The following TKT variants were observed in gnomAD, a reference collection of about 807,000 sequenced individuals.
The protein encoded by TKT is transketolase.
Under a neutral mutation model 63.9 loss-of-function variants are expected in TKT, and 47 were observed. That is an observed-to-expected ratio of 0.74 (90% CI 0.58 to 0.94). TKT has a LOEUF of 0.94. Ranked by LOEUF, TKT falls within the 40% of genes least tolerant of loss-of-function variation. The probability of loss-of-function intolerance (pLI) is 0.00; values close to 1 mark genes in which losing one functional copy is unlikely to be tolerated. For missense variants in TKT, 721 were observed against 846.2 expected (o/e 0.85, Z 1.84); for synonymous variants, 338 against 334.1 (o/e 1.01, Z -0.13).
chr3:53,244,940 C>A (rs1705443395), intron 1 of TKT, among the ~76,000 whole-genome samples: 1 of 150,712 alleles, frequency 6.6e-6, no homozygotes, highest in Admixed American at 6.6e-5. Context: ...AGTCCACTTA[C>A]AACCCCAATT....
chr3:53,231,016 T>C (rs1195946600), intron 7 of TKT, among the ~76,000 whole-genome samples: 2 of 152,186 alleles, frequency 1.3e-5, no homozygotes, highest in African/African-American at 4.8e-5. Flanking sequence ...TGCCTAGCCT[T>C]TCCCAGGTCA....
chr3:53,229,151 G>C lies in TKT; in HGVS notation c.1265-14C>G, dbSNP rs781874677. ...GCCCGTCTTCCCCTGGGGTGTGGGGGAAAGGATATGCAGAAATAAGACCCC... is the reference window on the plus strand; with the variant it reads ...GCCCGTCTTCCCCTGGGGTGTGGGGCAAAGGATATGCAGAAATAAGACCCC... On this transcript the variant is annotated splice_polypyrimidine_tract_variant and intron_variant, in intron 9 of 13. Coordinates refer to ENST00000462138, the MANE Select transcript of TKT (RefSeq NM_001064.4). 26 of 1,613,992 alleles carry C rather than the reference G, an allele frequency of 1.6e-5. No homozygotes were observed. Among genetic ancestry groups the C allele is most frequent in the Non-Finnish European group, 2.0e-5 (24 of 1,180,002 alleles).
chr3:53,230,593 G>A lies in TKT; in HGVS notation c.971C>T (p.Ala324Val). The A allele has an allele frequency of 6.2e-7, 1 of 1,614,248 alleles. No homozygotes were observed. Among genetic ancestry groups the A allele is most frequent in the South Asian group, 1.1e-5 (1 of 91,086 alleles). Reference protein sequence around the residue: ...KIATRKAYGQALAKLGHASDR... With the variant: ...KIATRKAYGQVLAKLGHASDR... Reference sequence around the variant, plus strand: ...ACTGGCATGGCCCAGCTTGGCCAGTGCCTGCCCGTAGGCCTTGCGGGTGGC... The same window carrying A: ...ACTGGCATGGCCCAGCTTGGCCAGTACCTGCCCGTAGGCCTTGCGGGTGGC... Residue 324 changes from alanine to valine, a missense_variant, in exon 8 of 14, where the codon GCA becomes GTA. Physicochemically the swap from Ala to Val is moderately conservative, Grantham distance 64. Coordinates refer to ENST00000462138, the MANE Select transcript of TKT (RefSeq NM_001064.4).
chr3:53,241,593 G>A lies in TKT; in HGVS notation c.226-348C>T, dbSNP rs142429124. The stretch of plus-strand genomic sequence containing the variant: ...GACTTCTAAGCTCTAAAGCCTGCCC[G>A]AGAGACCAAACGCCACGGAGGCAGG... On this transcript the variant is annotated intron_variant, in intron 2 of 13. Coordinates refer to ENST00000462138, the MANE Select transcript of TKT (RefSeq NM_001064.4). Among the ~76,000 whole-genome samples, 1,386 of 152,334 alleles carry A rather than the reference G, an allele frequency of 9.1e-3. 15 individuals carry two copies. Among genetic ancestry groups the A allele is most frequent in the Non-Finnish European group, 0.012 (834 of 68,030 alleles).
Position 53,235,185 on chromosome 3 carries a change from A to T in TKT, c.438-11T>A. The stretch of plus-strand genomic sequence containing the variant: ...CAATAGACTCGGTAGCTGTGGACAG[A>T]GAGTGAATCAGGCCAGTCCCTCTCA... On this transcript the variant is annotated splice_polypyrimidine_tract_variant and intron_variant, in intron 4 of 13. Transcript: ENST00000462138. 1 of 1,601,836 alleles carries T rather than the reference A, an allele frequency of 6.2e-7. No homozygotes were observed. Among genetic ancestry groups the T allele is most frequent in the Non-Finnish European group, 8.5e-7 (1 of 1,172,904 alleles).
In TKT at chr3:53,241,153, G is replaced by A; in HGVS notation, c.318C>T (p.Asp106=). The change falls in exon 3 of 14, where the codon GAC becomes GAT. Residue 106 remains aspartate (D), a synonymous_variant. Coordinates refer to ENST00000462138, the MANE Select transcript of TKT (RefSeq NM_001064.4). ...TTACCGGGACCGGGTGCCCGTCCAA[G>A]TCGGAGCTGATCTTCCTCAGGTTCA... ...ELLNLRKISS[D]LDGHPVPKQA... is the part of the protein sequence containing the mutation. 1 of 1,577,446 alleles carries A rather than the reference G, an allele frequency of 6.3e-7. No individual in the cohort carries two copies.
At chr3:53,243,118 G>C (rs1705356879) in intron 1 of TKT, among the ~76,000 whole-genome samples, 1 of 152,096 alleles carries the variant, frequency 6.6e-6, no homozygotes, top group Non-Finnish European at 1.5e-5. Flanking sequence ...CCTGGGAGTG[G>C]TGGGGCCACG....
In TKT at chr3:53,228,041, GC is replaced by G; in HGVS notation, c.1573+14del. 1.9e-6 allele frequency: 3 copies of G among 1,610,702 alleles called. No homozygotes were observed. Among genetic ancestry groups the G allele is most frequent in the Non-Finnish European group, 2.5e-6 (3 of 1,178,626 alleles). On this transcript the variant is annotated intron_variant, in intron 12 of 13. Transcript: ENST00000462138. ...GGCCGCTCAGTTGATGACTTTGGAG[GC>G]CCCTTCTCCTCACCTTTCTTCAGCA...
At chr3:53,227,063 C>G in intron 12 of TKT, 185 bp from the exon 13 acceptor site, 1 of 676,538 alleles carries the variant, frequency 1.5e-6, no homozygotes, top group East Asian at 3.0e-5. Context: ...CTTGCCAACC[C>G]CTTGCACTGG....
intron 2 of TKT, 38 bp from the exon 3 acceptor site, chr3:53,241,283 G>A: frequency 6.4e-7 from 1 of 1,565,230 alleles, no homozygotes; most frequent in Non-Finnish European, 8.6e-7. Context: ...GTCAGGTGGG[G>A]AGCGGTTCTA....
chr3:53,241,282 G>A (rs1705262675), intron 2 of TKT, 37 bp from the exon 3 acceptor site: 1 of 1,567,504 alleles, frequency 6.4e-7, no homozygotes, highest in Non-Finnish European at 8.6e-7. Context: ...GGTCAGGTGG[G>A]GAGCGGTTCT....
intron 8 of TKT, among the ~76,000 whole-genome samples, chr3:53,230,017 T>C (rs932747747): frequency 9.2e-4 from 140 of 152,254 alleles, no homozygotes; most frequent in African/African-American, 3.3e-3. Context: ...CCCAAATGGG[T>C]ACATGTCAGG....
Position 53,232,626 on chromosome 3 carries a change from G to A in TKT, c.748+530C>T, listed in dbSNP as rs150442859. On this transcript the variant is annotated intron_variant, in intron 6 of 13. Transcript: ENST00000462138. ...ACCTGGGTGCCAGGGAGTGACTTAC[G>A]CCTGCCTCATTCTCCGGCCTGGGGC... 311 of 398,324 alleles carry A rather than the reference G, an allele frequency of 7.8e-4. No homozygotes were observed. In the East Asian group the frequency reaches 9.3e-3, roughly 12 times the overall value. The allele number at this position is 398,324 out of a possible 1,614,324, so 24.7% of individuals were successfully genotyped here. A position where few individuals can be genotyped will look rare whatever the true frequency, so the allele number is the denominator to read the frequency against.
intron 7 of TKT, among the ~76,000 whole-genome samples, 161 bp from the exon 8 acceptor site, chr3:53,230,782 C>T (rs1316326567): frequency 2.6e-5 from 4 of 151,666 alleles, no homozygotes; most frequent in Admixed American, 2.0e-4. Context: ...AGGTTGCCAA[C>T]GACTACGGTC....
intron 1 of TKT, among the ~76,000 whole-genome samples, chr3:53,252,540 A>C (rs72957571): frequency 6.6e-6 from 1 of 152,182 alleles, no homozygotes; most frequent in African/African-American, 2.4e-5. Context: ...TTGCAAATGG[A>C]TATTTTTTGA....
Position 53,255,964 on chromosome 3 carries a change from G to T in TKT, c.-22C>A. 1 of 1,482,926 alleles carries T rather than the reference G, an allele frequency of 6.7e-7. No individual in the cohort carries two copies. 91.9% of individuals were successfully genotyped at this position (1,482,926 alleles called of 1,614,324 possible). On this transcript the variant is annotated 5_prime_UTR_variant, in exon 1 of 14. Coordinates refer to ENST00000462138, the MANE Select transcript of TKT (RefSeq NM_001064.4). ...CCATGGTGCGGCAGGCGGGGACCGG[G>T]CGCACACGCGGACACACAGAGATAG...
intron 7 of TKT, 91 bp downstream of exon 7, chr3:53,231,266 C>T: frequency 6.9e-7 from 1 of 1,448,738 alleles, no homozygotes. Context: ...TCGCTCTCCT[C>T]CCTTTCCCAG....
chr3:53,228,306 G>A lies in TKT; in HGVS notation c.1449C>T (p.Asn483=), dbSNP rs782121696. ...CTTGTCCGACCTGGAAGTCCTCATTGTTGTTATAGATGATGGCATTTTCTG... is the reference window on the plus strand; with the variant it reads ...CTTGTCCGACCTGGAAGTCCTCATTATTGTTATAGATGATGGCATTTTCTG... ...SRPENAIIYN[N]NEDFQVGQAK... The change falls in exon 11 of 14, where the codon AAC becomes AAT. Residue 483 remains asparagine (N), a synonymous_variant. Coordinates refer to ENST00000462138, the MANE Select transcript of TKT (RefSeq NM_001064.4). 2 of 1,614,206 alleles carry A rather than the reference G, an allele frequency of 1.2e-6. No individual in the cohort carries two copies. Among genetic ancestry groups the A allele is most frequent in the Non-Finnish European group, 1.7e-6 (2 of 1,180,026 alleles).
In TKT at chr3:53,229,066, AGAC is replaced by A; in HGVS notation, c.1333_1335del (p.Val445del). On this transcript the variant is annotated inframe_deletion, in exon 10 of 14. Coordinates refer to ENST00000462138, the MANE Select transcript of TKT (RefSeq NM_001064.4). ...GTAGCAACGCCATCACTTGGGTAAA[AGAC>A]AGTTGATGTGGGGACTGACCGAAAC... 6.2e-7 allele frequency: 1 copy of A among 1,614,122 alleles called. No individual in the cohort carries two copies. The highest frequency in any genetic ancestry group is 1.1e-5 in the South Asian group (1 of 91,074).
Sources: allele counts gnomAD v4.1 joint callset (sites outside exome capture counted in the v4.1 genomes callset), GRCh38; gene constraint gnomAD v4.1.1; transcripts MANE v1.5; gene names NCBI Gene and HGNC (gene_info 2026-07-23, HGNC 2026-07-21).